The following TEK variants were observed in gnomAD, a reference collection of about 807,000 sequenced individuals.
The protein encoded by TEK is angiopoietin-1 receptor.
A neutral mutation model predicts 131.8 loss-of-function variants in TEK; 43 were observed. That is an observed-to-expected ratio of 0.33 (90% CI 0.26 to 0.42). The LOEUF (loss-of-function observed/expected upper bound fraction) is 0.42, where lower values mean the gene tolerates loss of function less well. Among genes scored for constraint, TEK ranks in the 10% least tolerant of loss-of-function variants. The probability of loss-of-function intolerance (pLI) is 1.00; values close to 1 mark genes in which losing one functional copy is unlikely to be tolerated. For missense variants in TEK, 1,162 were observed against 1,384.4 expected, an observed-to-expected ratio of 0.84 and a Z score of 2.55; for synonymous variants, 580 against 491.6, an observed-to-expected ratio of 1.18 and a Z score of -2.38.
rs1270242500 is a variant in TEK, at chr9:27,197,537, GA to G, written c.1848del (p.Val617SerfsTer40). On this transcript the variant is annotated frameshift_variant, in exon 12 of 23. Coordinates refer to ENST00000380036, the MANE Select transcript of TEK (RefSeq NM_000459.5). LOFTEE classifies it high-confidence loss of function. ...HPREQYVVRARVNTKAQGEWS... is the reference protein window; with the variant it reads ...HPREQYVVRAXVNTKAQGEWS... ...AGGGAGCAGTACGTGGTCCGAGCTA[GA>G]GTCAACACCAAGGCCCAGGGGGAAT... is the stretch of plus-strand genomic sequence containing the variant. 3 of 1,614,082 alleles carry G rather than the reference GA, an allele frequency of 1.9e-6. No homozygotes were observed. The highest frequency in any genetic ancestry group is 1.7e-6 in the Non-Finnish European group (2 of 1,179,994).
At chr9:27,223,568 G>A (rs972472011) in intron 21 of TEK, among the ~76,000 whole-genome samples, 1 of 152,098 alleles carries the variant, frequency 6.6e-6, no homozygotes, top group Non-Finnish European at 1.5e-5. Flanking sequence ...TCTGAAACCA[G>A]TGAGAACAAA....
At chr9:27,130,960 AC>A (rs1323106180) in intron 1 of TEK, among the ~76,000 whole-genome samples, 2 of 152,244 alleles carry the variant, frequency 1.3e-5, no homozygotes, top group Non-Finnish European at 2.9e-5. Context: ...CAAGTAATTC[AC>A]AAAAGGAGGA....
chr9:27,163,935 G>A (rs1240263465), intron 2 of TEK, among the ~76,000 whole-genome samples: 1 of 152,184 alleles, frequency 6.6e-6, no homozygotes, highest in East Asian at 1.9e-4. Flanking sequence ...AGACCTTATG[G>A]AATAAGGAAT....
At chr9:27,196,453 A>T (rs1483546691) in intron 11 of TEK, among the ~76,000 whole-genome samples, 1 of 152,196 alleles carries the variant, frequency 6.6e-6, no homozygotes, top group Non-Finnish European at 1.5e-5. Flanking sequence ...TTATTCTAGA[A>T]GCCAAGGTTA....
chr9:27,119,503 G>A (rs1821698828), intron 1 of TEK, among the ~76,000 whole-genome samples: 1 of 152,164 alleles, frequency 6.6e-6, no homozygotes, highest in East Asian at 1.9e-4. Context: ...TGCAGATGAG[G>A]CTCCCTGGCT....
chr9:27,206,060 C>G (rs1825388778), intron 14 of TEK, among the ~76,000 whole-genome samples: 1 of 152,212 alleles, frequency 6.6e-6, no homozygotes, highest in Non-Finnish European at 1.5e-5. Context: ...GGGTTTGGCT[C>G]TAAGCTTCAA....
At chr9:27,197,292 A>G in intron 11 of TEK, 23 bp from the exon 12 acceptor site, 1 of 1,612,326 alleles carries the variant, frequency 6.2e-7, no homozygotes, top group African/African-American at 1.3e-5. Flanking sequence ...TATAAAAATA[A>G]TGATTTTTCT....
chr9:27,160,010 G>GTTTT lies in TEK; in HGVS notation c.364+1895_364+1898dup, dbSNP rs563961610. 1.1e-3 allele frequency among the ~76,000 whole-genome samples: 89 copies of GTTTT among 84,338 alleles called. 1 individual carries two copies. The highest frequency in any genetic ancestry group is 4.6e-3 in the East Asian group (12 of 2,592). 55.3% of individuals were successfully genotyped at this position (84,338 alleles called of 152,430 possible). A position where few individuals can be genotyped will look rare whatever the true frequency, so the allele number is the denominator to read the frequency against. On this transcript the variant is annotated intron_variant, in intron 2 of 22. Coordinates refer to ENST00000380036, the MANE Select transcript of TEK (RefSeq NM_000459.5). ...ATAATGACATTGTCAGCTGTTTAGG[G>GTTTT]TTTTTTTTTTTTTTTTTTTTTTTTT... is the stretch of plus-strand genomic sequence containing the variant.
intron 1 of TEK, among the ~76,000 whole-genome samples, chr9:27,125,715 A>T (rs766196220): frequency 6.6e-5 from 10 of 152,228 alleles, no homozygotes; most frequent in Non-Finnish European, 1.2e-4. Flanking sequence ...GCTTAGCAAA[A>T]TATAGGTGTA....
chr9:27,225,538 T>C (rs1014317700), intron 21 of TEK, among the ~76,000 whole-genome samples: 3 of 152,224 alleles, frequency 2.0e-5, no homozygotes, highest in African/African-American at 7.2e-5. Context: ...GCTAGCCATA[T>C]GCAGAAAACT....
chr9:27,164,526 A>G (rs552414649), intron 2 of TEK, among the ~76,000 whole-genome samples: 46 of 152,102 alleles, frequency 3.0e-4, no homozygotes, highest in South Asian at 6.2e-4. Flanking sequence ...TCAATGTGTT[A>G]GCCAGGATGA....
At chr9:27,194,794 T>C (rs76800380) in intron 11 of TEK, among the ~76,000 whole-genome samples, 18 of 152,176 alleles carry the variant, frequency 1.2e-4, no homozygotes, top group African/African-American at 4.3e-4. Context: ...TCATTTGAAT[T>C]TTGCTGCTGT....
At chr9:27,117,290 A>G (rs1431345510) in intron 1 of TEK, among the ~76,000 whole-genome samples, 1 of 152,194 alleles carries the variant, frequency 6.6e-6, no homozygotes, top group African/African-American at 2.4e-5. Flanking sequence ...CAGCATCACC[A>G]AACCAGAGCT....
chr9:27,158,583 T>G (rs1430203838), intron 2 of TEK, among the ~76,000 whole-genome samples: 4 of 151,994 alleles, frequency 2.6e-5, no homozygotes, highest in African/African-American at 9.7e-5. Context: ...AAATTAAATA[T>G]AAATAAGAAT....
chr9:27,170,580 G>A (rs1452519413), intron 4 of TEK, among the ~76,000 whole-genome samples: 1 of 149,898 alleles, frequency 6.7e-6, no homozygotes, highest in East Asian at 2.0e-4. Flanking sequence ...GGCCAGGCTG[G>A]TTGAAAGAGC....
chr9:27,138,254 T>C (rs1013163079), intron 1 of TEK, among the ~76,000 whole-genome samples: 5 of 152,216 alleles, frequency 3.3e-5, no homozygotes, highest in African/African-American at 9.6e-5. Flanking sequence ...CGCTGCTGGC[T>C]CAGGTGGCCA....
intron 18 of TEK, among the ~76,000 whole-genome samples, chr9:27,215,927 A>C (rs192095691): frequency 2.0e-5 from 3 of 152,302 alleles, no homozygotes; most frequent in African/African-American, 7.2e-5. Context: ...TAAATGTTAG[A>C]TAGGCAGTGA....
chr9:27,177,134 G>A (rs978901232), intron 6 of TEK, among the ~76,000 whole-genome samples: 2 of 152,132 alleles, frequency 1.3e-5, no homozygotes, highest in African/African-American at 4.8e-5. Flanking sequence ...GCTACTGTAA[G>A]CAATGCTGCA....
chr9:27,191,962 A>T (rs1399090973), intron 10 of TEK: 1 of 455,830 alleles, frequency 2.2e-6, no homozygotes, highest in East Asian at 6.9e-5. Context: ...ACTAAAGCAA[A>T]TAGGTAAGGA....
Sources: gnomAD v4.1 joint callset for allele counts (sites outside exome capture counted in the v4.1 genomes callset) on GRCh38, gnomAD v4.1.1 for gene constraint, MANE v1.5 for transcripts, NCBI Gene and HGNC (gene_info 2026-07-23, HGNC 2026-07-21) for gene names.